NT5C2: variants seen among roughly 807,000 people sequenced by gnomAD.
NT5C2 encodes cytosolic purine 5'-nucleotidase.
NT5C2 carries 58 observed loss-of-function variants against 76.1 expected under a neutral mutation model. The ratio of observed to expected loss-of-function variants is 0.76; its 90% CI spans 0.62 to 0.95. The LOEUF is 0.95. Among genes scored for constraint, NT5C2 ranks in the 40% least tolerant of loss-of-function variants. The pLI, the probability that NT5C2 is intolerant of heterozygous loss-of-function variation, is 0.00. For synonymous variants in NT5C2, 229 were observed against 237.4 expected (o/e 0.96, Z 0.32); for missense variants, 478 against 690.3 (o/e 0.69, Z 3.45).
chr10:103,110,874 T>C (rs895324403), intron 4 of NT5C2, among the ~76,000 whole-genome samples: 8 of 152,214 alleles, frequency 5.3e-5, no homozygotes, highest in African/African-American at 1.9e-4. Flanking sequence ...GATGTTTTAT[T>C]CTAAGTGTCC....
At chr10:103,129,576 G>A (rs2077572680) in intron 4 of NT5C2, among the ~76,000 whole-genome samples, 1 of 130,520 alleles carries the variant, frequency 7.7e-6, no homozygotes, top group African/African-American at 2.9e-5. Flanking sequence ...AGGGAGGTGG[G>A]GGTGTCAGCC....
chr10:103,130,960 T>C (rs1158688574), intron 4 of NT5C2, among the ~76,000 whole-genome samples: 1 of 152,212 alleles, frequency 6.6e-6, no homozygotes, highest in East Asian at 1.9e-4. Flanking sequence ...ACCCCCATCC[T>C]TTCCAAAAAG....
At chr10:103,091,664 C>T in intron 15 of NT5C2, 49 bp from the exon 16 acceptor site, 1 of 1,491,536 alleles carries the variant, frequency 6.7e-7, no homozygotes, top group South Asian at 1.1e-5. Flanking sequence ...TAAATAAGCA[C>T]CTAGTTCTTA....
intron 3 of NT5C2, among the ~76,000 whole-genome samples, chr10:103,167,090 A>T (rs1372456266): frequency 6.6e-6 from 1 of 151,032 alleles, no homozygotes. Flanking sequence ...ATCTCAGCTC[A>T]CTGCATCCTC....
At chr10:103,121,956 C>T (rs1435849176) in intron 4 of NT5C2, among the ~76,000 whole-genome samples, 2 of 152,082 alleles carry the variant, frequency 1.3e-5, no homozygotes, top group Non-Finnish European at 2.9e-5. Flanking sequence ...GGCAGATCAC[C>T]TGAGGTCAGT....
intron 3 of NT5C2, chr10:103,146,475 G>T: frequency 1.0e-6 from 1 of 983,010 alleles, no homozygotes; most frequent in Non-Finnish European, 1.2e-6. Flanking sequence ...CTACAATCAA[G>T]AAAAGAAAAA....
At chr10:103,141,553 T>C (rs2080431554) in intron 3 of NT5C2, among the ~76,000 whole-genome samples, 1 of 152,158 alleles carries the variant, frequency 6.6e-6, no homozygotes. Flanking sequence ...ATATACAGAT[T>C]TGTGTATTGT....
Position 103,092,776 on chromosome 10 carries a change from T to C in NT5C2, c.1159+363A>G, listed in dbSNP as rs188980179. 2.2e-3 allele frequency among the ~76,000 whole-genome samples: 339 copies of C among 152,202 alleles called. 4 individuals carry two copies. Among genetic ancestry groups the C allele is most frequent in the African/African-American group, 8.0e-3 (330 of 41,508 alleles). ...CATCACTGCCCCAGAATCACAGATA[T>C]GGGCTGTTAGCAGAGAGACTGGGAC... is the stretch of plus-strand genomic sequence containing the variant. On this transcript the variant is annotated intron_variant, in intron 15 of 18. Transcript: ENST00000404739.
intron 5 of NT5C2, 44 bp from the exon 6 acceptor site, chr10:103,105,845 G>A (rs375321370): frequency 2.3e-6 from 3 of 1,331,430 alleles, no homozygotes; most frequent in Non-Finnish European, 3.2e-6. Context: ...AAGTAATACA[G>A]GCAATAATTT....
intron 4 of NT5C2, among the ~76,000 whole-genome samples, chr10:103,129,931 G>C (rs2077740518): frequency 1.7e-5 from 2 of 117,920 alleles, no homozygotes; most frequent in Admixed American, 8.7e-5. Context: ...AGGGAGGTGG[G>C]GGGGGTCAGC....
intron 2 of NT5C2, chr10:103,175,520 T>A: frequency 5.8e-6 from 1 of 170,986 alleles, no homozygotes; most frequent in South Asian, 1.5e-4. Flanking sequence ...TGAGTCTGGG[T>A]TGGATACTGG....
At chr10:103,139,630 G>A (rs774326982) in intron 3 of NT5C2, 151 bp from the exon 4 acceptor site, 13 of 574,056 alleles carry the variant, frequency 2.3e-5, no homozygotes, top group South Asian at 1.1e-4. Context: ...TGTATAACAC[G>A]ACATGCTGTT....
intron 1 of NT5C2, among the ~76,000 whole-genome samples, chr10:103,183,005 C>T (rs2091352441): frequency 6.6e-6 from 1 of 152,064 alleles, no homozygotes; most frequent in African/African-American, 2.4e-5. Context: ...TTAAGGGCCT[C>T]TCTGTAACAT....
intron 3 of NT5C2, among the ~76,000 whole-genome samples, chr10:103,160,385 T>TA (rs2084535687): frequency 6.6e-6 from 1 of 152,064 alleles, no homozygotes; most frequent in Non-Finnish European, 1.5e-5. Flanking sequence ...AAAGAAAACA[T>TA]ACATAAATTG....
intron 3 of NT5C2, among the ~76,000 whole-genome samples, chr10:103,173,468 T>C (rs1765416517): frequency 6.6e-6 from 1 of 150,482 alleles, no homozygotes; most frequent in Non-Finnish European, 1.5e-5. Flanking sequence ...ATACAAAAAA[T>C]TAGCTGGGCA....
intron 1 of NT5C2, among the ~76,000 whole-genome samples, chr10:103,183,765 G>A (rs2091633627): frequency 6.6e-6 from 1 of 151,652 alleles, no homozygotes; most frequent in Non-Finnish European, 1.5e-5. Flanking sequence ...TAAAAAGCCA[G>A]ACCACTGCTA....
intron 3 of NT5C2, among the ~76,000 whole-genome samples, chr10:103,173,335 T>C (rs1202599728): frequency 2.0e-5 from 3 of 151,732 alleles, no homozygotes; most frequent in African/African-American, 7.3e-5. Context: ...ATTTCATTCT[T>C]GGCCAGGCGC....
intron 3 of NT5C2, among the ~76,000 whole-genome samples, chr10:103,170,422 G>A (rs888742654): frequency 6.6e-6 from 1 of 151,774 alleles, no homozygotes; most frequent in Non-Finnish European, 1.5e-5. Flanking sequence ...AGAACGTAGG[G>A]TACAGAATCC....
At chr10:103,103,734 C>G (rs955701684) in intron 6 of NT5C2, among the ~76,000 whole-genome samples, 1 of 152,222 alleles carries the variant, frequency 6.6e-6, no homozygotes, top group Non-Finnish European at 1.5e-5. Flanking sequence ...GGTCCTAACT[C>G]ATTAGCAAAG....
Sources: gnomAD v4.1 joint callset for allele counts (sites outside exome capture counted in the v4.1 genomes callset) on GRCh38, gnomAD v4.1.1 for gene constraint, MANE v1.5 for transcripts, NCBI Gene and HGNC (gene_info 2026-07-23, HGNC 2026-07-21) for gene names.